The following CHST12 variants were observed in gnomAD, a reference collection of about 807,000 sequenced individuals.
CHST12 encodes the protein carbohydrate sulfotransferase 12.
In CHST12, 23 loss-of-function variants were observed where a neutral mutation model predicts 27.9. The ratio of observed to expected loss-of-function variants is 0.82; its 90% CI spans 0.59 to 1.17. The LOEUF is 1.17. Among genes scored for constraint, CHST12 ranks in the 50% most tolerant of loss-of-function variants. The pLI is 0.00. For missense variants in CHST12, 682 were observed against 603.0 expected, an observed-to-expected ratio of 1.13 and a Z score of -1.37; for synonymous variants, 322 against 273.0, an observed-to-expected ratio of 1.18 and a Z score of -1.77.
At chr7:2,429,836 G>A (rs954110885) in intron 1 of CHST12, among the ~76,000 whole-genome samples, 5 of 151,994 alleles carry the variant, frequency 3.3e-5, no homozygotes, top group African/African-American at 7.2e-5. Context: ...AGGCTGGAGG[G>A]CAGTGGCACG....
chr7:2,424,629 A>G (rs532055512), intron 1 of CHST12, among the ~76,000 whole-genome samples: 48 of 152,204 alleles, frequency 3.2e-4, no homozygotes, highest in African/African-American at 9.9e-4. Flanking sequence ...ATCTTACTAC[A>G]GTTTTTGGCC....
At position 2,443,109 on chromosome 7, in the gene CHST12, TTTA is replaced by T. The variant is rs777941331; in HGVS notation, c.*9231_*9233del. 1 of 151,972 alleles carries T rather than the reference TTTA, an allele frequency of 6.6e-6. No individual in the cohort carries two copies. Among genetic ancestry groups the T allele is most frequent in the South Asian group, 2.1e-4 (1 of 4,806 alleles). The allele number at this position is 151,972 out of a possible 1,614,324, so 9.4% of individuals were successfully genotyped here. A position where few individuals can be genotyped will look rare whatever the true frequency, so the allele number is the denominator to read the frequency against. ...GCTAATTTTTTTGTTTATTTGTTTA[TTTA>T]TTATTTTTTGAGGTGGAGTCTTGCT... On this transcript the variant is annotated 3_prime_UTR_variant, in exon 2 of 2. Transcript: ENST00000618655.
chr7:2,418,622 G>A (rs948001627), intron 1 of CHST12, among the ~76,000 whole-genome samples: 11 of 152,154 alleles, frequency 7.2e-5, no homozygotes, highest in African/African-American at 2.7e-4. Flanking sequence ...ATGTGTTTTG[G>A]AAGCAGGTGG....
At chr7:2,413,836 C>T (rs1781733804) in intron 1 of CHST12, among the ~76,000 whole-genome samples, 1 of 143,686 alleles carries the variant, frequency 7.0e-6, no homozygotes, top group East Asian at 2.1e-4. Flanking sequence ...TCAAGTGATT[C>T]TCCTGCCTCA....
intron 1 of CHST12, among the ~76,000 whole-genome samples, chr7:2,416,248 C>G (rs1340789990): frequency 6.6e-6 from 1 of 152,242 alleles, no homozygotes; most frequent in Non-Finnish European, 1.5e-5. Context: ...GCCACATCTT[C>G]AGGCTCCACT....
chr7:2,420,831 C>A (rs1010786675), intron 1 of CHST12, among the ~76,000 whole-genome samples: 1 of 152,134 alleles, frequency 6.6e-6, no homozygotes, highest in Non-Finnish European at 1.5e-5. Context: ...GGTGTATACA[C>A]AGAAGTGGAA....
In CHST12 at chr7:2,432,097, G is replaced by A. The variant is rs577238478; in HGVS notation, c.-77-466G>A. Among the ~76,000 whole-genome samples the A allele has an allele frequency of 5.1e-5, 7 of 137,204 alleles. No individual in the cohort carries two copies. The South Asian group carries it at 7.0e-4, about 14-fold the overall frequency. The allele number at this position is 137,204 out of a possible 152,430, so 90.0% of individuals were successfully genotyped here. ...GTGCAGCTTGCAGTGAGCCAAGATCGGGCCACTGCACTCCAGCCTGGGCGA... is the reference window on the plus strand; with the variant it reads ...GTGCAGCTTGCAGTGAGCCAAGATCAGGCCACTGCACTCCAGCCTGGGCGA... On this transcript the variant is annotated intron_variant, in intron 1 of 1. Coordinates refer to ENST00000618655, the MANE Select transcript of CHST12 (RefSeq NM_018641.5).
rs1245813001 is a variant in CHST12 at position 2,441,057 on chromosome 7, A to G, written c.*7173A>G. 6.6e-6 allele frequency: 1 copy of G among 152,246 alleles called. No individual in the cohort carries two copies. Among genetic ancestry groups the G allele is most frequent in the Non-Finnish European group, 1.5e-5 (1 of 68,064 alleles). The allele number at this position is 152,246 out of a possible 1,614,324, so 9.4% of individuals were successfully genotyped here. ...ATGTTTCAAGAGGTTCAAAGCGTGC[A>G]GGCCCCATGCTCCGTGAGAGCCTTG... On this transcript the variant is annotated 3_prime_UTR_variant, in exon 2 of 2. Coordinates refer to ENST00000618655, the MANE Select transcript of CHST12 (RefSeq NM_018641.5).
chr7:2,441,892 A>G lies in CHST12; in HGVS notation c.*8008A>G, dbSNP rs1782614663. The stretch of plus-strand genomic sequence containing the variant: ...AAAGTTGTGGTAAGATACATGCAAC[A>G]TAAAATGTGCCCTCTTCCCCATTTT... On this transcript the variant is annotated 3_prime_UTR_variant, in exon 2 of 2. Coordinates refer to ENST00000618655, the MANE Select transcript of CHST12 (RefSeq NM_018641.5). The G allele has an allele frequency of 1.3e-5, 2 of 152,160 alleles. No homozygotes were observed. Among genetic ancestry groups the G allele is most frequent in the Admixed American group, 6.6e-5 (1 of 15,262 alleles). 9.4% of individuals were successfully genotyped at this position (152,160 alleles called of 1,614,324 possible).
At chr7:2,405,758 C>T (rs533696256) in intron 1 of CHST12, among the ~76,000 whole-genome samples, 5 of 152,092 alleles carry the variant, frequency 3.3e-5, no homozygotes, top group East Asian at 1.9e-4. Context: ...TTCTCACCTG[C>T]GATGAGGAGC....
chr7:2,432,820 A>T lies in CHST12; in HGVS notation c.181A>T (p.Thr61Ser), dbSNP rs3735100. 79,522 of 1,613,814 alleles carry T rather than the reference A, an allele frequency of 0.049. 2,689 individuals carry two copies. The highest frequency in any genetic ancestry group is 0.17 in the East Asian group (7,778 of 44,870). ...CGGGCCGGACAGGGACAGGGAGCTCACGGCCGACTCCGATGTCGACGAGTT... is the reference window on the plus strand; with the variant it reads ...CGGGCCGGACAGGGACAGGGAGCTCTCGGCCGACTCCGATGTCGACGAGTT... ...TPGPDRDRELTADSDVDEFLD... is the reference protein window; with the variant it reads ...TPGPDRDRELSADSDVDEFLD... The change falls in exon 2 of 2, where the codon ACG becomes TCG. Residue 61 changes from threonine to serine, a missense_variant. Physicochemically the swap from Thr to Ser is moderately conservative, Grantham distance 58. Transcript: ENST00000618655.
Position 2,446,666 on chromosome 7 carries a change from A to G in CHST12, c.*12782A>G, listed in dbSNP as rs1479731484. 6.5e-6 allele frequency: 1 copy of G among 152,954 alleles called. No individual in the cohort carries two copies. Among genetic ancestry groups the G allele is most frequent in the African/African-American group, 2.4e-5 (1 of 41,430 alleles). The allele number at this position is 152,954 out of a possible 1,614,324, so 9.5% of individuals were successfully genotyped here. A position where few individuals can be genotyped will look rare whatever the true frequency, so the allele number is the denominator to read the frequency against. ...TTGTCTGTTGTCCCGAGCACCTTGG[A>G]GATGTCATTTCTAACATTTTAACCC... On this transcript the variant is annotated 3_prime_UTR_variant, in exon 2 of 2. Coordinates refer to ENST00000618655, the MANE Select transcript of CHST12 (RefSeq NM_018641.5).
At position 2,433,095 on chromosome 7, in the gene CHST12, G is replaced by A. The variant is rs61754096; in HGVS notation, c.456G>A (p.Ser152=). The A allele has an allele frequency of 1.0e-3, 1,688 of 1,612,498 alleles. 11 individuals carry two copies. In the African/African-American group the frequency reaches 0.017, roughly 16 times the overall value. ...GCGCATTCGACGACATCCCCAACTCGGAGCTGAGCCACCTGATCGTGGACG... is the reference window on the plus strand; with the variant it reads ...GCGCATTCGACGACATCCCCAACTCAGAGCTGAGCCACCTGATCGTGGACG... The part of the protein sequence containing the change: ...KERAFDDIPN[S]ELSHLIVDDR... The change falls in exon 2 of 2, where the codon TCG becomes TCA. Residue 152 remains serine (S), a synonymous_variant. Transcript: ENST00000618655. The surrounding 1 kb of genome is among the most constrained non-coding windows in gnomAD (Gnocchi z 6.1).
At chr7:2,426,901 G>C (rs1782136859) in intron 1 of CHST12, among the ~76,000 whole-genome samples, 1 of 152,146 alleles carries the variant, frequency 6.6e-6, no homozygotes, top group South Asian at 2.1e-4. Flanking sequence ...TGAGGCATGA[G>C]AATCACTTGA....
chr7:2,407,183 A>G (rs1424135748), intron 1 of CHST12, among the ~76,000 whole-genome samples: 2 of 152,238 alleles, frequency 1.3e-5, no homozygotes, highest in Non-Finnish European at 2.9e-5. Flanking sequence ...TCAGGAAGTC[A>G]GCAGCTGAAT....
At chr7:2,408,721 G>GGA (rs1156879811) in intron 1 of CHST12, among the ~76,000 whole-genome samples, 1 of 152,180 alleles carries the variant, frequency 6.6e-6, no homozygotes, top group Non-Finnish European at 1.5e-5. Flanking sequence ...CATGCTTTAA[G>GGA]GAGGTGATTG....
intron 1 of CHST12, among the ~76,000 whole-genome samples, chr7:2,420,251 G>A (rs532582996): frequency 1.3e-5 from 2 of 152,166 alleles, no homozygotes; most frequent in Admixed American, 1.3e-4. Flanking sequence ...GGGATTACAG[G>A]TGTGAGCCGC....
rs1196297685 is a variant in CHST12, at chr7:2,442,168, A to G, written c.*8284A>G. 5 of 151,966 alleles carry G rather than the reference A, an allele frequency of 3.3e-5. No homozygotes were observed. Among genetic ancestry groups the G allele is most frequent in the Admixed American group, 3.3e-4 (5 of 15,240 alleles). 9.4% of individuals were successfully genotyped at this position (151,966 alleles called of 1,614,324 possible). On this transcript the variant is annotated 3_prime_UTR_variant, in exon 2 of 2. Coordinates refer to ENST00000618655, the MANE Select transcript of CHST12 (RefSeq NM_018641.5). ...TTGTCCTTTTGTGTCTGGCTTCTTC[A>G]TGTAGTATAATGTCTTCAAGGTTCA...
Position 2,419,392 on chromosome 7 carries a change from C to T in CHST12, c.-77-13171C>T, listed in dbSNP as rs1350222175. On this transcript the variant is annotated intron_variant, in intron 1 of 1. Transcript: ENST00000618655. ...CTCAAGTCTGAATGATAGAGTGGAA[C>T]CCTGTCTCCAAAAAAAAAAAAAAAA... is the stretch of plus-strand genomic sequence containing the variant. 4.0e-5 allele frequency among the ~76,000 whole-genome samples: 4 copies of T among 101,200 alleles called. No homozygotes were observed. The South Asian group carries it at 1.4e-3, about 36-fold the overall frequency. 66.4% of individuals were successfully genotyped at this position (101,200 alleles called of 152,430 possible).
Sources: allele counts gnomAD v4.1 joint callset (sites outside exome capture counted in the v4.1 genomes callset), GRCh38; gene constraint gnomAD v4.1.1; non-coding constraint Gnocchi (gnomAD v3.1); transcripts MANE v1.5; gene names NCBI Gene and HGNC (gene_info 2026-07-23, HGNC 2026-07-21).